Variants in RBM4 observed in about 807,000 individuals in gnomAD.
The protein encoded by RBM4 is RNA binding motif protein 4, also known as RNA-binding protein 4.
Under a neutral mutation model 29.5 loss-of-function variants are expected in RBM4, and 7 were observed. The observed-to-expected ratio is 0.24, with a 90% CI of 0.14 to 0.45. The LOEUF is 0.45. Ranked by LOEUF, RBM4 falls within the 20% of genes least tolerant of loss-of-function variation. The pLI, the probability that RBM4 is intolerant of heterozygous loss-of-function variation, is 1.00. For missense variants in RBM4, 387 were observed against 502.3 expected, an observed-to-expected ratio of 0.77 and a Z score of 2.19; for synonymous variants, 220 against 205.4, an observed-to-expected ratio of 1.07 and a Z score of -0.61.
Position 66,640,047 on chromosome 11 carries a change from T to G in RBM4, c.336T>G (p.Asp112Glu), listed in dbSNP as rs1459760241. ...TCATCGAATGTGACATCGTGAAAGA[T>G]TATGCCTTCGTACACATGGAGCGGG... ...GPVIECDIVK[D>E]YAFVHMERAE... The change falls in exon 2 of 4, where the codon GAT becomes GAG. Residue 112 changes from aspartate to glutamate, a missense_variant. Physicochemically the swap from Asp to Glu is conservative, Grantham distance 45. Coordinates refer to ENST00000310092, the MANE Select transcript of RBM4 (RefSeq NM_002896.4). 1 of 1,614,042 alleles carries G rather than the reference T, an allele frequency of 6.2e-7. No individual in the cohort carries two copies. Among genetic ancestry groups the G allele is most frequent in the African/African-American group, 1.3e-5 (1 of 74,898 alleles).
downstream of RBM4, among the ~76,000 whole-genome samples, chr11:66,650,576 A>G (rs1477429104): frequency 6.9e-6 from 1 of 145,040 alleles, no homozygotes; most frequent in Non-Finnish European, 1.5e-5. Context: ...TGTCTTAATA[A>G]TAATAGGCCA....
At chr11:66,657,308 G>A (rs925897162) in intron 2 of RBM4, among the ~76,000 whole-genome samples, 1 of 151,156 alleles carries the variant, frequency 6.6e-6, no homozygotes, top group African/African-American at 2.4e-5. Context: ...TTATCTTTTG[G>A]TAGAGATGGG....
rs1164831449 is a variant in RBM4, at chr11:66,646,335, C to T, written c.*317C>T. The stretch of plus-strand genomic sequence containing the variant: ...CTGTCTCCTCCCTGCCTCCTGCCTC[C>T]TGCGGCTGTTGGATTTGGGAATGAC... On this transcript the variant is annotated 3_prime_UTR_variant, in exon 4 of 4. Transcript: ENST00000310092. 2 of 1,272,822 alleles carry T rather than the reference C, an allele frequency of 1.6e-6. 1 individual carries two copies. 78.8% of individuals were successfully genotyped at this position (1,272,822 alleles called of 1,614,324 possible). A position where few individuals can be genotyped will look rare whatever the true frequency, so the allele number is the denominator to read the frequency against.
At chr11:66,666,252 GAA>G in exon 3 of RBM4, 1 of 1,023,566 alleles carries the variant, frequency 9.8e-7, no homozygotes, top group Non-Finnish European at 1.2e-6. Flanking sequence ...ATGGCTGGGG[GAA>G]AAAAAAAGTT....
chr11:66,639,578 G>A (rs1938350239), intron 1 of RBM4, 122 bp from the exon 2 acceptor site: 1 of 1,186,996 alleles, frequency 8.4e-7, no homozygotes, highest in Non-Finnish European at 1.2e-6. Context: ...ATTGTGTGGA[G>A]GTGTGTGTGC....
chr11:66,639,427 G>T, intron 1 of RBM4: 1 of 470,160 alleles, frequency 2.1e-6, no homozygotes, highest in Admixed American at 3.8e-5. Flanking sequence ...TGTCTTTCAT[G>T]CCCATTTCTG....
At chr11:66,640,562 C>G (rs575797) in intron 2 of RBM4, 15,618 of 286,348 alleles carry the variant, frequency 0.055, 636 homozygotes, top group East Asian at 0.11. Context: ...GACCAGAATC[C>G]TTGTTAAGCT....
chr11:66,646,466 T>C lies in RBM4; in HGVS notation c.*448T>C. On this transcript the variant is annotated 3_prime_UTR_variant, in exon 4 of 4. Transcript: ENST00000310092. ...CCGGTGAAATAAATGGTTTTTCAAC[T>C]TAGGGTATGTGTGCTTTGCGAGACT... is the stretch of plus-strand genomic sequence containing the variant. 5 of 1,003,320 alleles carry C rather than the reference T, an allele frequency of 5.0e-6. No individual in the cohort carries two copies. The highest frequency in any genetic ancestry group is 5.9e-6 in the Non-Finnish European group (5 of 841,256). 62.2% of individuals were successfully genotyped at this position (1,003,320 alleles called of 1,614,324 possible).
At chr11:66,663,451 GCC>G (rs1156332273) in intron 2 of RBM4, among the ~76,000 whole-genome samples, 1 of 152,016 alleles carries the variant, frequency 6.6e-6, no homozygotes, top group Admixed American at 6.6e-5. Context: ...TGCAACCTCT[GCC>G]TCCTTGGTTC....
At chr11:66,665,663 G>GTATTC in intron 2 of RBM4, 1 of 1,520,130 alleles carries the variant, frequency 6.6e-7, no homozygotes. Flanking sequence ...GTCCTGTCCT[G>GTATTC]TATTCCGGGG....
intron 1 of RBM4, 89 bp from the exon 2 acceptor site, chr11:66,639,611 G>C (rs1044572677): frequency 2.0e-6 from 3 of 1,485,542 alleles, no homozygotes; most frequent in Non-Finnish European, 2.7e-6. Context: ...GAGAAAACTG[G>C]AAATATACAT....
chr11:66,666,026 A>C, exon 3 of RBM4: 1 of 1,377,794 alleles, frequency 7.3e-7, no homozygotes, highest in South Asian at 1.4e-5. Flanking sequence ...TTTCACAGTA[A>C]ACAAGCTTTC....
At chr11:66,663,022 C>T (rs1479043833) in intron 2 of RBM4, among the ~76,000 whole-genome samples, 3 of 152,108 alleles carry the variant, frequency 2.0e-5, no homozygotes, top group Admixed American at 1.3e-4. Context: ...CTTCACCTGT[C>T]AAGATTAAGT....
chr11:66,646,400 C>T lies in RBM4; in HGVS notation c.*382C>T, dbSNP rs946065893. ...CACTGCTCCAGGGTCTCTTTTTGGT[C>T]CAAAGGCTAGACCTATAGAGTTGGA... On this transcript the variant is annotated 3_prime_UTR_variant, in exon 4 of 4. Coordinates refer to ENST00000310092, the MANE Select transcript of RBM4 (RefSeq NM_002896.4). The T allele has an allele frequency of 7.9e-5, 89 of 1,123,186 alleles. No homozygotes were observed. The highest frequency in any genetic ancestry group is 9.4e-5 in the Non-Finnish European group (86 of 914,644). 69.6% of individuals were successfully genotyped at this position (1,123,186 alleles called of 1,614,324 possible). A position where few individuals can be genotyped will look rare whatever the true frequency, so the allele number is the denominator to read the frequency against.
intron 2 of RBM4, among the ~76,000 whole-genome samples, chr11:66,661,259 C>T (rs776307827): frequency 2.6e-5 from 4 of 152,230 alleles, no homozygotes; most frequent in Non-Finnish European, 5.9e-5. Context: ...AAACTGACAG[C>T]TCTTCCCAGG....
In RBM4 at chr11:66,639,688, T is replaced by C; in HGVS notation, c.-12-12T>C. 6.2e-7 allele frequency: 1 copy of C among 1,606,564 alleles called. No homozygotes were observed. Among genetic ancestry groups the C allele is most frequent in the Non-Finnish European group, 8.5e-7 (1 of 1,174,688 alleles). The stretch of plus-strand genomic sequence containing the variant: ...GAGGTCTTTTGTCAGATGTCTTGTT[T>C]TTCTCTCCCAGGCTCTTGTCAGGAT... On this transcript the variant is annotated splice_polypyrimidine_tract_variant and intron_variant, in intron 1 of 3. Coordinates refer to ENST00000310092, the MANE Select transcript of RBM4 (RefSeq NM_002896.4).
chr11:66,643,890 A>C lies in RBM4; in HGVS notation c.853A>C (p.Thr285Pro). 2 of 1,613,290 alleles carry C rather than the reference A, an allele frequency of 1.2e-6. No homozygotes were observed. The highest frequency in any genetic ancestry group is 1.7e-6 in the Non-Finnish European group (2 of 1,179,734). ...HLLPTSGAAA[T>P]AAAAAAAAAA... ...GTTGCCGACCTCAGGAGCTGCTGCCACAGCTGCTGCTGCAGCAGCAGCCGC... is the reference window on the plus strand; with the variant it reads ...GTTGCCGACCTCAGGAGCTGCTGCCCCAGCTGCTGCTGCAGCAGCAGCCGC... Residue 285 changes from threonine (T) to proline (P), a missense_variant, in exon 3 of 4, where the codon ACA (threonine) becomes CCA (proline). Coordinates refer to ENST00000310092, the MANE Select transcript of RBM4 (RefSeq NM_002896.4). This position sits in a 1 kb window ranked among gnomAD's most constrained non-coding sequence, Gnocchi z 6.1.
At chr11:66,642,392 G>C (rs186663211) in intron 2 of RBM4, among the ~76,000 whole-genome samples, 174 of 152,296 alleles carry the variant, frequency 1.1e-3, no homozygotes, top group Non-Finnish European at 1.9e-3. Flanking sequence ...CAGTAAGCTG[G>C]TAGATCATGT....
In RBM4 at chr11:66,639,751, A is replaced by T; in HGVS notation, c.40A>T (p.Thr14Ser). ...LFIGNLPREA[T>S]EQEIRSLFEQ... ...CATCGGAAACCTGCCCCGGGAGGCT[A>T]CAGAGCAGGAGATTCGCTCACTCTT... The change falls in exon 2 of 4, where the codon ACA becomes TCA. Residue 14 changes from threonine (T) to serine (S), a missense_variant. Coordinates refer to ENST00000310092, the MANE Select transcript of RBM4 (RefSeq NM_002896.4). 6.2e-7 allele frequency: 1 copy of T among 1,614,162 alleles called. No homozygotes were observed. The highest frequency in any genetic ancestry group is 8.5e-7 in the Non-Finnish European group (1 of 1,180,000).
Sources: allele counts gnomAD v4.1 joint callset (sites outside exome capture counted in the v4.1 genomes callset), GRCh38; gene constraint gnomAD v4.1.1; non-coding constraint Gnocchi (gnomAD v3.1); transcripts MANE v1.5; gene names NCBI Gene and HGNC (gene_info 2026-07-23, HGNC 2026-07-21).